The following LRRD1 variants were observed in gnomAD, a reference collection of about 807,000 sequenced individuals.
LRRD1 encodes leucine rich repeats and death domain containing 1.
LRRD1 carries 49 observed loss-of-function variants against 69.5 expected under a neutral mutation model. The ratio of observed to expected loss-of-function variants is 0.70; its 90% CI spans 0.56 to 0.89. The LOEUF is 0.89. Ranked by LOEUF, LRRD1 falls within the 40% of genes least tolerant of loss-of-function variation. The probability of loss-of-function intolerance (pLI) is 0.00; values close to 1 mark genes in which losing one functional copy is unlikely to be tolerated. For missense variants in LRRD1, 853 were observed against 956.0 expected (o/e 0.89, Z 1.42); for synonymous variants, 303 against 338.9 (o/e 0.89, Z 1.16).
chr7:92,147,435 C>A lies in LRRD1; in HGVS notation c.2279-1235G>T, dbSNP rs139915826. On this transcript the variant is annotated intron_variant, in intron 4 of 5. Coordinates refer to ENST00000458448, the MANE Select transcript of LRRD1 (RefSeq NM_001161528.2). ...TCTCCAGGATTTGAAATGCATTTGA[C>A]TGCTTCCTTCAATTCTGGCTTTTTT... is the stretch of plus-strand genomic sequence containing the variant. Among the ~76,000 whole-genome samples the A allele has an allele frequency of 1.4e-4, 22 of 152,036 alleles. No individual in the cohort carries two copies. In the East Asian group the frequency reaches 4.3e-3, roughly 29 times the overall value.
At chr7:92,174,495 A>ATG in intron 1 of LRRD1, among the ~76,000 whole-genome samples, 1 of 17,206 alleles carries the variant, frequency 5.8e-5, no homozygotes, top group South Asian at 1.8e-3. Flanking sequence ...ATATATATAT[A>ATG]TATATATATA....
chr7:92,164,078 C>G lies in LRRD1; in HGVS notation c.1125G>C (p.Arg375Ser). The G allele has an allele frequency of 6.5e-7, 1 of 1,547,488 alleles. No individual in the cohort carries two copies. Among genetic ancestry groups the G allele is most frequent in the East Asian group, 2.5e-5 (1 of 40,782 alleles). Residue 375 changes from arginine to serine, a missense_variant, in exon 2 of 6, where the codon AGG (arginine) becomes AGC (serine). By Grantham distance (110) the Arg-to-Ser change is moderately radical. Around this residue, in one of 3 missense-constraint regions of LRRD1, gnomAD observed 739 missense variants for 808.0 expected, o/e 0.91. Transcript: ENST00000458448. ...ATAAATTTTTATCAAGTATAAGAAT[C>G]CTAAGTTCCCTGAAATTCTCAATTT... ...SHKIENFRELRILILDKNLLK... is the reference protein window; with the variant it reads ...SHKIENFRELSILILDKNLLK...
chr7:92,150,014 C>A, intron 4 of LRRD1: 3 of 402,404 alleles, frequency 7.5e-6, no homozygotes, highest in Non-Finnish European at 1.5e-5. Flanking sequence ...TTGGATTTGC[C>A]TATTTTCAGT....
chr7:92,146,146 T>C lies in LRRD1; in HGVS notation c.2333A>G (p.Asn778Ser). ...TAGTTTTTGACATAAAAATTCAAAA[T>C]TGGTTTCAGTGATGTTGTTGGCAAC... ...KIVANNITET[N>S]FEFLCQKLNL... is the part of the protein sequence containing the mutation. Residue 778 changes from asparagine (N) to serine (S), a missense_variant, in exon 5 of 6, where the codon AAT becomes AGT. Physicochemically the swap from Asn to Ser is conservative, Grantham distance 46. This residue lies in a region of LRRD1 where 739 missense variants were observed against 808.0 expected (regional missense o/e 0.91). Transcript: ENST00000458448. 6.5e-7 allele frequency: 1 copy of C among 1,543,284 alleles called. No homozygotes were observed. The highest frequency in any genetic ancestry group is 8.7e-7 in the Non-Finnish European group (1 of 1,144,126).
intron 1 of LRRD1, among the ~76,000 whole-genome samples, chr7:92,177,916 G>A (rs942852592): frequency 2.0e-5 from 3 of 152,122 alleles, no homozygotes; most frequent in Non-Finnish European, 4.4e-5. Flanking sequence ...AATATACATA[G>A]TGGTTAACAT....
rs138487506 is a variant in LRRD1, at chr7:92,170,221, A to G, written c.-74-4945T>C. Among the ~76,000 whole-genome samples the G allele has an allele frequency of 2.1e-3, 325 of 152,256 alleles. 1 individual carries two copies. Among genetic ancestry groups the G allele is most frequent in the African/African-American group, 7.3e-3 (302 of 41,568 alleles). On this transcript the variant is annotated intron_variant, in intron 1 of 5. Coordinates refer to ENST00000458448, the MANE Select transcript of LRRD1 (RefSeq NM_001161528.2). ...AAAAAAAGAGAAAAGAATAAAAAGCAATGAAGATCACCTAAAAGATACAAA... is the reference window on the plus strand; with the variant it reads ...AAAAAAAGAGAAAAGAATAAAAAGCGATGAAGATCACCTAAAAGATACAAA...
In LRRD1 at chr7:92,178,147, A is replaced by T. The variant is rs367705250; in HGVS notation, c.-75+860T>A. ...GCTAACACGGTGAAACCCCGTCTGT[A>T]CTAAAAATACAAAAAATTAGCCAGG... On this transcript the variant is annotated intron_variant, in intron 1 of 5. Transcript: ENST00000458448. Among the ~76,000 whole-genome samples, 10 of 152,102 alleles carry T rather than the reference A, an allele frequency of 6.6e-5. No homozygotes were observed. In the East Asian group the frequency reaches 9.7e-4, roughly 15 times the overall value.
chr7:92,171,013 C>A (rs534361877), intron 1 of LRRD1, among the ~76,000 whole-genome samples: 10 of 152,010 alleles, frequency 6.6e-5, no homozygotes, highest in Non-Finnish European at 5.9e-5. Flanking sequence ...AATGGAAATA[C>A]AACATACCAC....
Position 92,164,638 on chromosome 7 carries a change from C to G in LRRD1, c.565G>C (p.Gly189Arg). ...TCTTGCAGGGATAGAATTTCAAGTC[C>G]TAACAGATCACCTGAGTCTGCCCCT... Reference protein sequence around the residue: ...FQGADSGDLLGLEILSLQENG... With the variant: ...FQGADSGDLLRLEILSLQENG... Residue 189 changes from glycine (G) to arginine (R), a missense_variant, in exon 2 of 6, where the codon GGA (glycine) becomes CGA (arginine). Coordinates refer to ENST00000458448, the MANE Select transcript of LRRD1 (RefSeq NM_001161528.2). The G allele has an allele frequency of 6.4e-7, 1 of 1,551,716 alleles. No individual in the cohort carries two copies. Among genetic ancestry groups the G allele is most frequent in the Non-Finnish European group, 8.7e-7 (1 of 1,146,884 alleles).
chr7:92,159,950 G>A (rs371436421), intron 2 of LRRD1, among the ~76,000 whole-genome samples: 83 of 151,916 alleles, frequency 5.5e-4, no homozygotes, highest in East Asian at 2.7e-3. Context: ...ATTTGTGTGC[G>A]TTTTTTTAGA....
rs906007533 is a variant in LRRD1, at chr7:92,164,107, G to A, written c.1096C>T (p.His366Tyr). The change falls in exon 2 of 6, where the codon CAC (histidine) becomes TAC (tyrosine). Residue 366 changes from histidine (H) to tyrosine (Y), a missense_variant. Around this residue, in one of 3 missense-constraint regions of LRRD1, gnomAD observed 739 missense variants for 808.0 expected, o/e 0.91. Coordinates refer to ENST00000458448, the MANE Select transcript of LRRD1 (RefSeq NM_001161528.2). ...AGTTCCCTGAAATTCTCAATTTTGT[G>A]TGAAATAACTTCCAATTTATTGTCG... ...LADNKLEVISHKIENFRELRI... is the reference protein window; with the variant it reads ...LADNKLEVISYKIENFRELRI... The A allele has an allele frequency of 5.8e-6, 9 of 1,548,540 alleles. No individual in the cohort carries two copies. Among genetic ancestry groups the A allele is most frequent in the Non-Finnish European group, 7.9e-6 (9 of 1,145,860 alleles).
At chr7:92,159,263 ACTT>A (rs1455827249) in intron 2 of LRRD1, 60 bp from the exon 3 acceptor site, 4 of 1,084,734 alleles carry the variant, frequency 3.7e-6, no homozygotes, top group Admixed American at 4.1e-5. Context: ...CATGACTAAA[ACTT>A]CTTCTAAAAT....
chr7:92,168,565 C>T (rs1369374664), intron 1 of LRRD1, among the ~76,000 whole-genome samples: 1 of 151,752 alleles, frequency 6.6e-6, no homozygotes, highest in Non-Finnish European at 1.5e-5. Flanking sequence ...GGATGTACCC[C>T]ATCCAGAATG....
intron 5 of LRRD1, among the ~76,000 whole-genome samples, chr7:92,145,753 A>G (rs1373384727): frequency 6.6e-6 from 1 of 152,094 alleles, no homozygotes; most frequent in Non-Finnish European, 1.5e-5. Flanking sequence ...TATGCTTTAT[A>G]GCTTGATCTC....
Position 92,163,857 on chromosome 7 carries a change from G to A in LRRD1, c.1346C>T (p.Ser449Leu), listed in dbSNP as rs1282979712. ...GGGAACATCTGTGATTATGTTTCCT[G>A]AAAATTCTAGACTGCATATGTTATT... Reference protein sequence around the residue: ...HLNNICSLEFSGNIITDVPIE... With the variant: ...HLNNICSLEFLGNIITDVPIE... The change falls in exon 2 of 6, where the codon TCA (serine) becomes TTA (leucine). Residue 449 changes from serine (S) to leucine (L), a missense_variant. Physicochemically the swap from Ser to Leu is moderately radical, Grantham distance 145. Coordinates refer to ENST00000458448, the MANE Select transcript of LRRD1 (RefSeq NM_001161528.2). 7 of 1,503,684 alleles carry A rather than the reference G, an allele frequency of 4.7e-6. No individual in the cohort carries two copies. The highest frequency in any genetic ancestry group is 6.2e-6 in the Non-Finnish European group (7 of 1,130,662). 93.1% of individuals were successfully genotyped at this position (1,503,684 alleles called of 1,614,324 possible).
At chr7:92,143,537 C>T (rs766267627), downstream of LRRD1, among the ~76,000 whole-genome samples, 2 of 152,142 alleles carry the variant, frequency 1.3e-5, no homozygotes, top group Non-Finnish European at 1.5e-5. Flanking sequence ...TAAGGCCCGG[C>T]GAGAAATTGA....
In LRRD1 at chr7:92,174,499, A is replaced by ATG. The variant is rs1458532730; in HGVS notation, c.-75+4507_-75+4508insCA. 2.8e-3 allele frequency among the ~76,000 whole-genome samples: 53 copies of ATG among 18,778 alleles called. 2 individuals carry two copies. The highest frequency in any genetic ancestry group is 0.025 in the South Asian group (14 of 568). The allele number at this position is 18,778 out of a possible 152,430, so 12.3% of individuals were successfully genotyped here. On this transcript the variant is annotated intron_variant, in intron 1 of 5. Coordinates refer to ENST00000458448, the MANE Select transcript of LRRD1 (RefSeq NM_001161528.2). ...TATATATATATATATATATATATAT[A>ATG]TATATATATATTTTTTTTTTTTTTT... is the stretch of plus-strand genomic sequence containing the variant.
chr7:92,163,932 T>C lies in LRRD1; in HGVS notation c.1271A>G (p.His424Arg). 6.5e-7 allele frequency: 1 copy of C among 1,538,776 alleles called. No homozygotes were observed. The highest frequency in any genetic ancestry group is 8.8e-7 in the Non-Finnish European group (1 of 1,142,166). The change falls in exon 2 of 6, where the codon CAT becomes CGT. Residue 424 changes from histidine (H) to arginine (R), a missense_variant. Around this residue, in one of 3 missense-constraint regions of LRRD1, gnomAD observed 739 missense variants for 808.0 expected, o/e 0.91. Transcript: ENST00000458448. ...TTTTACCATATTATTTCTGTTTACA[T>C]GGAGTTTTCTTAAATTGTTAAGCTT... Reference protein sequence around the residue: ...IHKLNNLRKLHVNRNNMVKIT... With the variant: ...IHKLNNLRKLRVNRNNMVKIT...
At position 92,163,339 on chromosome 7, in the gene LRRD1, A is replaced by C; in HGVS notation, c.1864T>G (p.Cys622Gly). 1.3e-6 allele frequency: 2 copies of C among 1,531,370 alleles called. No individual in the cohort carries two copies. Among genetic ancestry groups the C allele is most frequent in the South Asian group, 2.5e-5 (2 of 80,758 alleles). The allele number at this position is 1,531,370 out of a possible 1,614,324, so 94.9% of individuals were successfully genotyped here. Residue 622 changes from cysteine to glycine, a missense_variant, in exon 2 of 6, where the codon TGC becomes GGC. Transcript: ENST00000458448. ...AGCTGTTCCAGTGATTGAAGTTGGC[A>C]CAGTTCAATAGGAAAATGTATAAAT... is the stretch of plus-strand genomic sequence containing the variant. ...NQFIHFPIEL[C>G]QLQSLEQLNI...
Sources: gnomAD v4.1 joint callset for allele counts (sites outside exome capture counted in the v4.1 genomes callset) on GRCh38, gnomAD v4.1.1 for gene constraint, gnomAD v4.1.1 regional missense constraint, MANE v1.5 for transcripts, NCBI Gene and HGNC (gene_info 2026-07-23, HGNC 2026-07-21) for gene names.